CLIP2: variants seen among roughly 807,000 people sequenced by gnomAD.
CLIP2 encodes the protein CAP-Gly domain-containing linker protein 2.
Under a neutral mutation model 111.7 loss-of-function variants are expected in CLIP2, and 41 were observed. The observed-to-expected ratio is 0.37, with a 90% CI of 0.29 to 0.48. The LOEUF (loss-of-function observed/expected upper bound fraction) is 0.48, where lower values mean the gene tolerates loss of function less well. CLIP2 is among the 20% of genes least tolerant of loss of function. The pLI is 0.99. For synonymous variants in CLIP2, 660 were observed against 644.2 expected (o/e 1.02, Z -0.37); for missense variants, 1,160 against 1,422.1 (o/e 0.82, Z 2.96).
At chr7:74,351,059 AAGAAAG>A (rs1368196283) in intron 3 of CLIP2, among the ~76,000 whole-genome samples, 4 of 70,802 alleles carry the variant, frequency 5.6e-5, no homozygotes, top group East Asian at 1.2e-3. Flanking sequence ...GAAGAGAAGA[AAGAAAG>A]AGAAAGAAAG....
intron 2 of CLIP2, among the ~76,000 whole-genome samples, chr7:74,327,696 A>G (rs1789154433): frequency 6.6e-6 from 1 of 152,130 alleles, no homozygotes; most frequent in African/African-American, 2.4e-5. Context: ...AGGACGGGGA[A>G]GCCAAGCCCG....
At chr7:74,385,902 C>T (rs1217733148) in intron 11 of CLIP2, among the ~76,000 whole-genome samples, 2 of 151,740 alleles carry the variant, frequency 1.3e-5, no homozygotes, top group Non-Finnish European at 2.9e-5. Flanking sequence ...ACCACCACGC[C>T]CAGCTAATTT....
intron 1 of CLIP2, among the ~76,000 whole-genome samples, chr7:74,304,497 A>G (rs1554727363): frequency 6.6e-6 from 1 of 151,316 alleles, no homozygotes; most frequent in Non-Finnish European, 1.5e-5. Context: ...TTGCACTCCA[A>G]CCTGGGTGAC....
chr7:74,321,017 C>T (rs948234905), intron 2 of CLIP2, among the ~76,000 whole-genome samples: 1 of 152,138 alleles, frequency 6.6e-6, no homozygotes, highest in Non-Finnish European at 1.5e-5. Flanking sequence ...TCTAGAGAGG[C>T]CCAAATTCTG....
chr7:74,353,080 G>A (rs1167494651), intron 3 of CLIP2, among the ~76,000 whole-genome samples: 6 of 151,950 alleles, frequency 3.9e-5, no homozygotes, highest in African/African-American at 1.5e-4. Flanking sequence ...AAGCCCAAGA[G>A]TTTGAGGCTA....
In CLIP2 at chr7:74,403,214, C is replaced by CA. The variant is rs35885639; in HGVS notation, c.3130-605dup. Among the ~76,000 whole-genome samples, 687 of 113,078 alleles carry CA rather than the reference C, an allele frequency of 6.1e-3. 10 individuals are homozygous for CA. The highest frequency in any genetic ancestry group is 0.019 in the African/African-American group (575 of 29,536). The allele number at this position is 113,078 out of a possible 152,430, so 74.2% of individuals were successfully genotyped here. On this transcript the variant is annotated intron_variant, in intron 16 of 16. Transcript: ENST00000223398. ...AGCCTGAGCAACAGTGAGACTGTCT[C>CA]AAAAAAAAAAAAAAAAAAGAGAGAG...
At chr7:74,328,389 G>A (rs1294950821) in intron 2 of CLIP2, among the ~76,000 whole-genome samples, 1 of 152,212 alleles carries the variant, frequency 6.6e-6, no homozygotes, top group African/African-American at 2.4e-5. Flanking sequence ...GGGCCACCAG[G>A]AAGCGGGAGT....
intron 9 of CLIP2, among the ~76,000 whole-genome samples, chr7:74,374,502 TCTGAGGTCAG>T (rs1261806682): frequency 1.3e-5 from 2 of 152,106 alleles, no homozygotes; most frequent in South Asian, 2.1e-4. Flanking sequence ...TCTGAGGTCA[TCTGAGGTCAG>T]GAGTTCAAGA....
chr7:74,394,735 G>C (rs551951511), intron 13 of CLIP2, among the ~76,000 whole-genome samples: 48 of 152,326 alleles, frequency 3.2e-4, no homozygotes, highest in Middle Eastern at 3.4e-3. Context: ...ATGCGATGAG[G>C]CAATCTAGGA....
At chr7:74,358,145 A>C (rs1350219559) in intron 6 of CLIP2, among the ~76,000 whole-genome samples, 2 of 147,918 alleles carry the variant, frequency 1.4e-5, no homozygotes, top group South Asian at 2.1e-4. Flanking sequence ...TCCACCTCCC[A>C]GGTTCAAGCG....
intron 13 of CLIP2, among the ~76,000 whole-genome samples, chr7:74,393,802 A>G (rs797034673): frequency 1.3e-5 from 2 of 152,304 alleles, no homozygotes; most frequent in Non-Finnish European, 2.9e-5. Flanking sequence ...CTGCCCAGGA[A>G]GGAAACAGAT....
At chr7:74,321,562 C>T (rs969431266) in intron 2 of CLIP2, among the ~76,000 whole-genome samples, 18 of 152,088 alleles carry the variant, frequency 1.2e-4, no homozygotes, top group East Asian at 3.9e-4. Context: ...CTCCACCTCC[C>T]GGGTTCAAGT....
chr7:74,310,114 C>G (rs1446536386), intron 1 of CLIP2, among the ~76,000 whole-genome samples: 1 of 147,340 alleles, frequency 6.8e-6, no homozygotes, highest in Non-Finnish European at 1.5e-5. Context: ...CCTGTAGTCC[C>G]CTACTGGGGA....
At chr7:74,302,976 G>C (rs571467003) in intron 1 of CLIP2, among the ~76,000 whole-genome samples, 2 of 152,174 alleles carry the variant, frequency 1.3e-5, no homozygotes, top group Non-Finnish European at 2.9e-5. Context: ...TGTGTTGCCT[G>C]CACAGCTGGG....
At chr7:74,341,621 T>A (rs1289949210) in intron 3 of CLIP2, among the ~76,000 whole-genome samples, 2 of 145,306 alleles carry the variant, frequency 1.4e-5, no homozygotes, top group Non-Finnish European at 3.0e-5. Flanking sequence ...TGAAACAGGG[T>A]CTTGTTCTGT....
chr7:74,290,657 C>G (rs147520759), intron 1 of CLIP2, among the ~76,000 whole-genome samples: 1 of 152,104 alleles, frequency 6.6e-6, no homozygotes, highest in Non-Finnish European at 1.5e-5. Flanking sequence ...GGGGGTCTGC[C>G]GTCACTCTTG....
chr7:74,358,527 A>G (rs1386511141), intron 6 of CLIP2, among the ~76,000 whole-genome samples: 1 of 150,866 alleles, frequency 6.6e-6, no homozygotes, highest in Non-Finnish European at 1.5e-5. Flanking sequence ...TACTTATTAT[A>G]CTGCAAGCAT....
intron 1 of CLIP2, among the ~76,000 whole-genome samples, chr7:74,314,754 G>A (rs1241768907): frequency 6.6e-6 from 1 of 152,240 alleles, no homozygotes; most frequent in Non-Finnish European, 1.5e-5. Context: ...GGCTCATGGT[G>A]AGCCTTCTGG....
At chr7:74,298,809 G>A (rs1273275340) in intron 1 of CLIP2, among the ~76,000 whole-genome samples, 1 of 152,092 alleles carries the variant, frequency 6.6e-6, no homozygotes, top group Non-Finnish European at 1.5e-5. Flanking sequence ...AAAGTGCTGG[G>A]ATTACAGATG....
Sources: gnomAD v4.1 joint callset for allele counts (sites outside exome capture counted in the v4.1 genomes callset) on GRCh38, gnomAD v4.1.1 for gene constraint, MANE v1.5 for transcripts, NCBI Gene and HGNC (gene_info 2026-07-23, HGNC 2026-07-21) for gene names.